Variants in ZEB1 observed in about 807,000 individuals in gnomAD.
ZEB1 encodes the protein zinc finger E-box-binding homeobox 1.
A neutral mutation model predicts 84.9 loss-of-function variants in ZEB1; 21 were observed. That is an observed-to-expected ratio of 0.25 (90% CI 0.18 to 0.36). The LOEUF is 0.36. Among genes scored for constraint, ZEB1 ranks in the 10% least tolerant of loss-of-function variants. The pLI is 1.00. For synonymous variants in ZEB1, 420 were observed against 471.1 expected (o/e 0.89, Z 1.41); for missense variants, 1,104 against 1,330.2 (o/e 0.83, Z 2.65).
chr10:31,497,451 T>TCCCCCACGTA (rs1273713149), intron 3 of ZEB1, among the ~76,000 whole-genome samples: 1 of 152,054 alleles, frequency 6.6e-6, no homozygotes, highest in Non-Finnish European at 1.5e-5. Context: ...ATGTAAAATC[T>TCCCCCACGTA]CCCCCACGTA....
chr10:31,321,793 C>G, intron 1 of ZEB1: 1 of 519,912 alleles, frequency 1.9e-6, no homozygotes, highest in East Asian at 3.2e-5. Flanking sequence ...CTGAAAGATA[C>G]TTGAAATCAA....
At chr10:31,326,652 A>G (rs2035563753) in intron 1 of ZEB1, among the ~76,000 whole-genome samples, 2 of 152,170 alleles carry the variant, frequency 1.3e-5, no homozygotes, top group South Asian at 2.1e-4. Context: ...CTAGTTCGGT[A>G]TTCTTTTCAT....
rs1420667167 is a variant in ZEB1 at position 31,472,261 on chromosome 10, A to G, written c.259+11024A>G. Among the ~76,000 whole-genome samples the G allele has an allele frequency of 9.9e-5, 15 of 152,130 alleles. No homozygotes were observed. In the South Asian group the frequency reaches 3.1e-3, roughly 32 times the overall value. On this transcript the variant is annotated intron_variant, in intron 2 of 8. Coordinates refer to ENST00000424869, the MANE Select transcript of ZEB1 (RefSeq NM_001174096.2). The stretch of plus-strand genomic sequence containing the variant: ...ACACAAAAAACCCTTCAAAAAATTA[A>G]TTAATCCCAGAGCTGGTTTTTTGAA...
intron 1 of ZEB1, among the ~76,000 whole-genome samples, chr10:31,438,795 G>C (rs979613607): frequency 3.3e-5 from 5 of 152,200 alleles, no homozygotes; most frequent in African/African-American, 7.2e-5. Flanking sequence ...AGTGAGCTAC[G>C]ATCATGCCAC....
Position 31,521,915 on chromosome 10 carries a change from G to A in ZEB1, c.2583G>A (p.Val861=). Residue 861 remains valine, a synonymous_variant, in exon 7 of 9, where the codon GTG becomes GTA. Transcript: ENST00000424869. The part of the protein sequence containing the change: ...SPAVQEPPLK[V]IQPNGNQDER... ...CAGTCCAAGAACCACCCTTGAAAGT[G>A]ATCCAGCCAAATGGAAATCAGGTAA... 1 of 1,613,998 alleles carries A rather than the reference G, an allele frequency of 6.2e-7. No individual in the cohort carries two copies. The highest frequency in any genetic ancestry group is 8.5e-7 in the Non-Finnish European group (1 of 1,179,970).
chr10:31,446,336 A>T (rs1018879888), intron 1 of ZEB1, among the ~76,000 whole-genome samples: 2 of 151,678 alleles, frequency 1.3e-5, no homozygotes, highest in African/African-American at 2.4e-5. Context: ...GTGGTCTATC[A>T]ATTTTGTTGA....
In ZEB1 at chr10:31,360,844, A is replaced by G. The variant is rs530256275; in HGVS notation, c.58+41552A>G. ...AAAATCTCACAGAGTTCTCAAGGCC[A>G]TTTTGCATTTACTAGTGCCACAGTA... is the stretch of plus-strand genomic sequence containing the variant. On this transcript the variant is annotated intron_variant, in intron 1 of 8. Transcript: ENST00000424869. 103 of 808,440 alleles carry G rather than the reference A, an allele frequency of 1.3e-4. 1 individual carries two copies. The African/African-American group carries it at 1.7e-3, about 13-fold the overall frequency. 50.1% of individuals were successfully genotyped at this position (808,440 alleles called of 1,614,324 possible).
intron 1 of ZEB1, among the ~76,000 whole-genome samples, chr10:31,339,175 C>T (rs1292049366): frequency 6.6e-6 from 1 of 152,158 alleles, no homozygotes; most frequent in African/African-American, 2.4e-5. Flanking sequence ...GCCATATATG[C>T]TCACTATATA....
intron 1 of ZEB1, among the ~76,000 whole-genome samples, chr10:31,424,863 A>T (rs948050207): frequency 6.6e-6 from 1 of 152,050 alleles, no homozygotes; most frequent in Non-Finnish European, 1.5e-5. Context: ...TTTCAGCTTA[A>T]TCAACATTTT....
chr10:31,480,338 GTA>G (rs1308098516), intron 2 of ZEB1, among the ~76,000 whole-genome samples: 3 of 151,896 alleles, frequency 2.0e-5, no homozygotes, highest in Admixed American at 6.6e-5. Context: ...AATACTATAA[GTA>G]ATACATGTAA....
chr10:31,339,731 C>G lies in ZEB1; in HGVS notation c.58+20439C>G, dbSNP rs1353434156. 2.7e-5 allele frequency among the ~76,000 whole-genome samples: 4 copies of G among 150,900 alleles called. 1 individual carries two copies. Among genetic ancestry groups the G allele is most frequent in the Admixed American group, 2.0e-4 (3 of 15,122 alleles). ...GTTGCAGTGAACTGAGATTGCACCACTCACTCCAGCGACAGAGAGAGACTC... is the reference window on the plus strand; with the variant it reads ...GTTGCAGTGAACTGAGATTGCACCAGTCACTCCAGCGACAGAGAGAGACTC... On this transcript the variant is annotated intron_variant, in intron 1 of 8. Coordinates refer to ENST00000424869, the MANE Select transcript of ZEB1 (RefSeq NM_001174096.2).
At chr10:31,523,623 T>A (rs138281491) in intron 7 of ZEB1, among the ~76,000 whole-genome samples, 9 of 152,364 alleles carry the variant, frequency 5.9e-5, no homozygotes, top group African/African-American at 2.2e-4. Context: ...AGGTAAACTC[T>A]GTTACTATAT....
intron 2 of ZEB1, among the ~76,000 whole-genome samples, chr10:31,478,424 C>T (rs941403201): frequency 1.3e-5 from 2 of 151,824 alleles, no homozygotes; most frequent in Non-Finnish European, 2.9e-5. Flanking sequence ...TTAGTACAAC[C>T]GCTATGGAAA....
At chr10:31,364,819 C>A (rs1445239836) in intron 1 of ZEB1, among the ~76,000 whole-genome samples, 1 of 152,208 alleles carries the variant, frequency 6.6e-6, no homozygotes. Flanking sequence ...GATACAGCAT[C>A]TATTCTTATT....
At chr10:31,447,267 G>A (rs566958164) in intron 1 of ZEB1, among the ~76,000 whole-genome samples, 18 of 149,828 alleles carry the variant, frequency 1.2e-4, no homozygotes, top group African/African-American at 4.4e-4. Flanking sequence ...CATTTGCTTG[G>A]TAGATCTTCC....
rs1023206138 is a variant in ZEB1 at position 31,448,781 on chromosome 10, C to T, written c.59-12256C>T. Among the ~76,000 whole-genome samples, 38 of 152,266 alleles carry T rather than the reference C, an allele frequency of 2.5e-4. 1 individual carries two copies. The highest frequency in any genetic ancestry group is 8.2e-4 in the African/African-American group (34 of 41,534). ...GGCAGTCTGCCCATTCTCAGATCTC[C>T]AGCTGCGTACTGGGAGAACCACTGC... On this transcript the variant is annotated intron_variant, in intron 1 of 8. Coordinates refer to ENST00000424869, the MANE Select transcript of ZEB1 (RefSeq NM_001174096.2).
intron 5 of ZEB1, among the ~76,000 whole-genome samples, chr10:31,511,963 G>A (rs997999174): frequency 7.9e-5 from 12 of 152,114 alleles, no homozygotes; most frequent in Non-Finnish European, 1.6e-4. Context: ...GATTTTATAG[G>A]TTTATGGTCC....
intron 2 of ZEB1, among the ~76,000 whole-genome samples, chr10:31,480,953 G>A (rs775924796): frequency 4.0e-5 from 6 of 151,894 alleles, no homozygotes; most frequent in Non-Finnish European, 7.4e-5. Context: ...TGAGGGAATA[G>A]GAAACATTGC....
intron 3 of ZEB1, among the ~76,000 whole-genome samples, chr10:31,499,719 C>A (rs961745156): frequency 4.0e-5 from 6 of 151,646 alleles, no homozygotes; most frequent in Non-Finnish European, 8.8e-5. Flanking sequence ...GAGCCAAGAT[C>A]GCGCCATTGC....
Sources: gnomAD v4.1 joint callset for allele counts (sites outside exome capture counted in the v4.1 genomes callset) on GRCh38, gnomAD v4.1.1 for gene constraint, MANE v1.5 for transcripts, NCBI Gene and HGNC (gene_info 2026-07-23, HGNC 2026-07-21) for gene names.